Variants in PHIP observed in about 807,000 individuals in gnomAD.
PHIP encodes PHIP subunit of CUL4-Ring ligase complex.
In PHIP, 54 loss-of-function variants were observed where a neutral mutation model predicts 236.8. The ratio of observed to expected loss-of-function variants is 0.23; its 90% CI spans 0.18 to 0.29. The LOEUF (loss-of-function observed/expected upper bound fraction) is 0.29, where lower values mean the gene tolerates loss of function less well. PHIP is among the 10% of genes least tolerant of loss of function. The pLI is 1.00. For missense variants in PHIP, 1,370 were observed against 2,190.8 expected, an observed-to-expected ratio of 0.63 and a Z score of 7.48; for synonymous variants, 756 against 718.9, an observed-to-expected ratio of 1.05 and a Z score of -0.83.
At chr6:79,042,589 T>C (rs1462480002) in intron 7 of PHIP, among the ~76,000 whole-genome samples, 1 of 152,050 alleles carries the variant, frequency 6.6e-6, no homozygotes, top group East Asian at 1.9e-4. Flanking sequence ...TGATATATGT[T>C]GAGAACCATA....
intron 25 of PHIP, 95 bp downstream of exon 25, chr6:78,970,686 G>A: frequency 2.6e-6 from 2 of 755,354 alleles, no homozygotes; most frequent in Non-Finnish European, 4.3e-6. Flanking sequence ...TCATGATGCA[G>A]TTTCTTATTG....
At chr6:79,049,102 C>T (rs1582283799) in intron 6 of PHIP, among the ~76,000 whole-genome samples, 1 of 151,330 alleles carries the variant, frequency 6.6e-6, no homozygotes, top group Non-Finnish European at 1.5e-5. Flanking sequence ...CAGAGTCTCA[C>T]TCTGTCGTAC....
rs186051931 is a variant in PHIP at position 78,987,468 on chromosome 6, T to C, written c.2460+741A>G. ...AATACTCTCAGTTTGAGAGTTAATG[T>C]TGCCCTGGATAAAGAGAATATATTT... is the stretch of plus-strand genomic sequence containing the variant. On this transcript the variant is annotated intron_variant, in intron 21 of 39. Coordinates refer to ENST00000275034, the MANE Select transcript of PHIP (RefSeq NM_017934.7). 1.9e-3 allele frequency among the ~76,000 whole-genome samples: 288 copies of C among 152,272 alleles called. 1 individual carries two copies. Among genetic ancestry groups the C allele is most frequent in the South Asian group, 8.1e-3 (39 of 4,830 alleles).
intron 15 of PHIP, among the ~76,000 whole-genome samples, chr6:79,011,115 A>C (rs2127737935): frequency 1.3e-5 from 2 of 151,934 alleles, no homozygotes; most frequent in South Asian, 4.1e-4. Flanking sequence ...AAACAAAGCT[A>C]TTCTGATGTT....
intron 15 of PHIP, among the ~76,000 whole-genome samples, chr6:79,012,526 C>T (rs1225292660): frequency 6.6e-6 from 1 of 151,704 alleles, no homozygotes. Context: ...CTAGACCCTT[C>T]ACATGGTGCT....
At chr6:79,038,044 G>C (rs919441710) in intron 7 of PHIP, among the ~76,000 whole-genome samples, 4 of 152,164 alleles carry the variant, frequency 2.6e-5, no homozygotes, top group Non-Finnish European at 2.9e-5. Context: ...GTTTTTGAAA[G>C]TTTAGTTTAT....
At chr6:79,006,590 T>C (rs1180735607) in intron 15 of PHIP, among the ~76,000 whole-genome samples, 2 of 152,128 alleles carry the variant, frequency 1.3e-5, no homozygotes, top group South Asian at 2.1e-4. Context: ...AAATGAAAGG[T>C]ATATAAGCCT....
chr6:78,954,835 C>G lies in PHIP; in HGVS notation c.4032G>C (p.Pro1344=). ...QCEDSEPFRQ[P]VDLLEYPDYR... is the part of the protein sequence containing the mutation. ...TTACTGGATATTCAAGGAGATCTACCGGCTGACGGAAAGGCTCTGAATCTT... is the reference window on the plus strand; with the variant it reads ...TTACTGGATATTCAAGGAGATCTACGGGCTGACGGAAAGGCTCTGAATCTT... Residue 1344 remains proline, a synonymous_variant, in exon 35 of 40, where the codon CCG becomes CCC. Transcript: ENST00000275034. The G allele has an allele frequency of 6.3e-7, 1 of 1,581,366 alleles. No homozygotes were observed. Among genetic ancestry groups the G allele is most frequent in the Non-Finnish European group, 8.6e-7 (1 of 1,168,936 alleles).
At chr6:78,961,973 C>G (rs1269387507) in intron 30 of PHIP, among the ~76,000 whole-genome samples, 163 bp from the exon 31 acceptor site, 1 of 151,994 alleles carries the variant, frequency 6.6e-6, no homozygotes, top group Non-Finnish European at 1.5e-5. Flanking sequence ...AAGAGTCTCA[C>G]TTTTTATTAT....
intron 6 of PHIP, among the ~76,000 whole-genome samples, chr6:79,053,573 A>G (rs963881363): frequency 7.9e-5 from 12 of 152,172 alleles, no homozygotes; most frequent in African/African-American, 2.7e-4. Context: ...TCCTTTGTTT[A>G]TAAAAATATC....
At chr6:79,013,177 C>T (rs577651960) in intron 15 of PHIP, among the ~76,000 whole-genome samples, 5 of 151,776 alleles carry the variant, frequency 3.3e-5, no homozygotes, top group Non-Finnish European at 7.4e-5. Context: ...TAAAATCTAT[C>T]TTGATCATCT....
intron 35 of PHIP, among the ~76,000 whole-genome samples, chr6:78,951,353 T>C (rs1043767442): frequency 6.6e-6 from 1 of 152,184 alleles, no homozygotes; most frequent in Non-Finnish European, 1.5e-5. Flanking sequence ...TTGTAGAATA[T>C]TAAGCCCATT....
chr6:79,056,872 T>C (rs1773101808), intron 6 of PHIP, among the ~76,000 whole-genome samples: 1 of 152,120 alleles, frequency 6.6e-6, no homozygotes, highest in African/African-American at 2.4e-5. Flanking sequence ...TAATTAGAGA[T>C]ATACAATATT....
In PHIP at chr6:79,060,745, T is replaced by C. The variant is rs747422442; in HGVS notation, c.263A>G (p.Gln88Arg). ...ICHRLGPLLEQEIPQSVPGVQ... is the reference protein window; with the variant it reads ...ICHRLGPLLEREIPQSVPGVQ... ...TCCAGGAACACTTTGAGGAATTTCT[T>C]GTTCAAGAAGAGGTCCTAGTCGATG... Residue 88 changes from glutamine to arginine, a missense_variant, in exon 5 of 40, where the codon CAA becomes CGA. This residue lies in a region of PHIP where 82 missense variants were observed against 203.2 expected (regional missense o/e 0.40). Transcript: ENST00000275034. The C allele has an allele frequency of 6.2e-7, 1 of 1,613,276 alleles. No homozygotes were observed. The highest frequency in any genetic ancestry group is 1.1e-5 in the South Asian group (1 of 91,080).
At chr6:79,046,697 T>C (rs1032446770) in intron 6 of PHIP, among the ~76,000 whole-genome samples, 2 of 151,962 alleles carry the variant, frequency 1.3e-5, no homozygotes, top group East Asian at 1.9e-4. Context: ...GCCAACATGG[T>C]GAAACCCCAT....
chr6:78,957,085 T>G (rs918321723), intron 32 of PHIP: 2 of 152,106 alleles, frequency 1.3e-5, no homozygotes, highest in African/African-American at 4.8e-5. Context: ...CATGGATTTA[T>G]TTTTAGAAAT....
chr6:78,966,056 C>T lies in PHIP; in HGVS notation c.3206G>A (p.Gly1069Asp). Reference protein sequence around the residue: ...DDAKYRRWNIGDRFRSVIDDA... With the variant: ...DDAKYRRWNIDDRFRSVIDDA... ...ATCTATGACAGACCTGAAGCGGTCA[C>T]CTGGCCAAGAACAAAAACTAACTCA... The change falls in exon 28 of 40, where the codon GGT becomes GAT. Residue 1069 changes from glycine to aspartate, a missense_variant and splice_region_variant. Physicochemically the swap from Gly to Asp is moderately conservative, Grantham distance 94. Transcript: ENST00000275034. 1 of 1,601,542 alleles carries T rather than the reference C, an allele frequency of 6.2e-7. No homozygotes were observed. Among genetic ancestry groups the T allele is most frequent in the Non-Finnish European group, 8.6e-7 (1 of 1,168,784 alleles).
At chr6:79,061,258 A>G (rs2127772904) in intron 4 of PHIP, among the ~76,000 whole-genome samples, 1 of 152,302 alleles carries the variant, frequency 6.6e-6, no homozygotes, top group Non-Finnish European at 1.5e-5. Context: ...ATTATATTGG[A>G]AAAAAATACT....
intron 32 of PHIP, 139 bp from the exon 33 acceptor site, chr6:78,955,821 A>C: frequency 2.2e-6 from 1 of 463,894 alleles, no homozygotes; most frequent in East Asian, 3.5e-5. Context: ...TTACTCCAAT[A>C]ATTTATGCAC....
Sources: allele counts gnomAD v4.1 joint callset (sites outside exome capture counted in the v4.1 genomes callset), GRCh38; gene constraint gnomAD v4.1.1; regional missense constraint gnomAD v4.1.1; transcripts MANE v1.5; gene names NCBI Gene and HGNC (gene_info 2026-07-23, HGNC 2026-07-21).